NCOR2: variants seen among roughly 807,000 people sequenced by gnomAD.
NCOR2 encodes the protein nuclear receptor corepressor 2, also known as CTG repeat protein 26.
NCOR2 carries 81 observed loss-of-function variants against 262.9 expected under a neutral mutation model. That is an observed-to-expected ratio of 0.31 (90% confidence interval 0.26 to 0.37). The LOEUF (loss-of-function observed/expected upper bound fraction) is 0.37. Among genes scored for constraint, NCOR2 ranks in the 10% least tolerant of loss-of-function variants. The probability of loss-of-function intolerance (pLI) is 1.00; values close to 1 mark genes in which losing one functional copy is unlikely to be tolerated. For synonymous variants in NCOR2, 1,659 were observed against 1,559.3 expected (o/e 1.06, Z -1.51); for missense variants, 3,385 against 3,621.4 (o/e 0.93, Z 1.68).
chr12:124,474,743 C>T (rs1010342969), intron 3 of NCOR2, among the ~76,000 whole-genome samples: 9 of 152,128 alleles, frequency 5.9e-5, no homozygotes, highest in South Asian at 2.1e-4. Context: ...CCTGGCATAC[C>T]GTAAGCCTCA....
rs746955028 is a variant in NCOR2, at chr12:124,371,720, G to A, written c.2807+302C>T. On this transcript the variant is annotated intron_variant, in intron 20 of 46. Transcript: ENST00000405201. ...CTGGCTCGAACTACCTTGTGAGGGC[G>A]GCCCTAGGAAGCGAGCAGGCTGCCT... Among the ~76,000 whole-genome samples, 3 of 152,290 alleles carry A rather than the reference G, an allele frequency of 2.0e-5. No homozygotes were observed. In the South Asian group the frequency reaches 6.2e-4, roughly 32 times the overall value.
chr12:124,407,427 G>T (rs1433741406), intron 13 of NCOR2, among the ~76,000 whole-genome samples: 2 of 152,236 alleles, frequency 1.3e-5, no homozygotes, highest in Admixed American at 6.5e-5. Flanking sequence ...TGGCACTTTG[G>T]GGCATGGCTG....
rs756284508 is a variant in NCOR2 at position 124,486,534 on chromosome 12, C to T, written c.140G>A (p.Arg47His). The T allele has an allele frequency of 8.2e-6, 13 of 1,594,910 alleles. No homozygotes were observed. The Admixed American group carries it at 8.7e-5, about 11-fold the overall frequency. ...GGGCGACAGGTGGGAGGCATAGTCG[C>T]GGGAGTGGTGCTGGTACTCCAGGAG... Residue 47 changes from arginine (R) to histidine (H), a missense_variant, in exon 2 of 47, where the codon CGC becomes CAC. By Grantham distance (29) the Arg-to-His change is conservative. Transcript: ENST00000405201.
intron 44 of NCOR2, among the ~76,000 whole-genome samples, chr12:124,327,902 G>A (rs958667458): frequency 1.3e-5 from 2 of 152,106 alleles, no homozygotes; most frequent in African/African-American, 4.8e-5. Context: ...CTGCCAGGGA[G>A]GTGGGGTAGG....
chr12:124,475,999 C>T (rs1294207299), intron 3 of NCOR2, among the ~76,000 whole-genome samples: 5 of 152,132 alleles, frequency 3.3e-5, no homozygotes, highest in African/African-American at 9.7e-5. Context: ...AAACTCAAGG[C>T]AAAAGTGTGT....
At chr12:124,405,891 C>G (rs1336351934) in intron 13 of NCOR2, among the ~76,000 whole-genome samples, 1 of 152,174 alleles carries the variant, frequency 6.6e-6, no homozygotes, top group African/African-American at 2.4e-5. Context: ...ACCTGCTGGG[C>G]TTCCCGGGCC....
chr12:124,552,497 G>A (rs944002063), intron 1 of NCOR2, among the ~76,000 whole-genome samples: 1 of 152,092 alleles, frequency 6.6e-6, no homozygotes, highest in Non-Finnish European at 1.5e-5. Context: ...GAAACTGAGG[G>A]GTCACTTAAT....
At chr12:124,355,162 C>T in intron 24 of NCOR2, 1 of 613,284 alleles carries the variant, frequency 1.6e-6, no homozygotes, top group Non-Finnish European at 2.8e-6. Context: ...TTCCATTTCG[C>T]AGTGGGGGAA....
chr12:124,347,447 C>G (rs2037029739), intron 30 of NCOR2: 1 of 231,276 alleles, frequency 4.3e-6, no homozygotes, highest in African/African-American at 2.3e-5. Context: ...GCTGGCTGTG[C>G]CATGGACCAG....
chr12:124,422,463 G>T, intron 12 of NCOR2, 38 bp downstream of exon 14: 1 of 1,613,072 alleles, frequency 6.2e-7, no homozygotes, highest in Non-Finnish European at 8.5e-7. Context: ...GCCCACGGAG[G>T]TGGAGACCGA....
chr12:124,488,877 G>C (rs752678935), intron 1 of NCOR2, among the ~76,000 whole-genome samples: 10 of 152,126 alleles, frequency 6.6e-5, no homozygotes, highest in Non-Finnish European at 1.0e-4. Context: ...GGCCCGAAGT[G>C]GGGGCTGGGG....
chr12:124,500,653 G>A (rs543703813), intron 1 of NCOR2, among the ~76,000 whole-genome samples: 49 of 152,282 alleles, frequency 3.2e-4, no homozygotes, highest in South Asian at 1.9e-3. Context: ...CCACCTGGCC[G>A]GGCAGAGGCG....
intron 13 of NCOR2, among the ~76,000 whole-genome samples, chr12:124,411,397 G>T (rs903319794): frequency 5.9e-5 from 9 of 152,218 alleles, no homozygotes; most frequent in Non-Finnish European, 1.3e-4. Flanking sequence ...GCAGTCGGGG[G>T]CGGAGCCTCG....
In NCOR2 at chr12:124,372,159, C is replaced by A. The variant is rs780909563; in HGVS notation, c.2670G>T (p.Ala890=). Residue 890 remains alanine, a synonymous_variant, in exon 20 of 47, where the codon GCG becomes GCT. Transcript: ENST00000405201. ...CGCCCTCCTTCTTCTCTGCCTTGAG[C>A]GCCCCCTCGGCCGTGGCCTCAGCGG... The A allele has an allele frequency of 2.5e-6, 4 of 1,601,178 alleles. No homozygotes were observed. In the South Asian group the frequency reaches 4.4e-5, roughly 18 times the overall value.
chr12:124,388,392 GCCAGAC>G (rs1395195430), intron 16 of NCOR2, among the ~76,000 whole-genome samples: 1 of 152,106 alleles, frequency 6.6e-6, no homozygotes, highest in Non-Finnish European at 1.5e-5. Flanking sequence ...AGACCACCCC[GCCAGAC>G]CCAGCTTGAA....
In NCOR2 at chr12:124,531,329, G is replaced by A. The variant is rs2050758534; in HGVS notation, c.-118+4236C>T. Among the ~76,000 whole-genome samples, 2 of 152,208 alleles carry A rather than the reference G, an allele frequency of 1.3e-5. No individual in the cohort carries two copies. The highest frequency in any genetic ancestry group is 4.8e-5 in the African/African-American group (2 of 41,454). On this transcript the variant is annotated intron_variant, in intron 1 of 46. Transcript: ENST00000404621. This position sits in a 1 kb window ranked among gnomAD's most constrained non-coding sequence, Gnocchi z 4.5. The stretch of plus-strand genomic sequence containing the variant: ...GGGCTCCTGCTCCCCTCTGAGTGAT[G>A]GCAGGGCAGGCGCCTGGAGCCAACG...
intron 6 of NCOR2, among the ~76,000 whole-genome samples, chr12:124,455,862 G>A (rs913541499): frequency 7.9e-5 from 12 of 152,192 alleles, no homozygotes; most frequent in African/African-American, 2.9e-4. Context: ...TTGAGGCTCT[G>A]AAGGTGTCAG....
Position 124,333,439 on chromosome 12 carries a change from C to T in NCOR2, c.6606-160G>A, listed in dbSNP as rs949475352. Among the ~76,000 whole-genome samples, 4 of 152,202 alleles carry T rather than the reference C, an allele frequency of 2.6e-5. No individual in the cohort carries two copies. The East Asian group carries it at 5.8e-4, about 22-fold the overall frequency. On this transcript the variant is annotated intron_variant, in intron 41 of 46. Coordinates refer to ENST00000405201, the Ensembl canonical transcript of NCOR2. ...ACCACAAGTAATCTCTGGCATGTATCGTTATCATTTTTATTTTTTTTTTAA... is the reference window on the plus strand; with the variant it reads ...ACCACAAGTAATCTCTGGCATGTATTGTTATCATTTTTATTTTTTTTTTAA...
rs570910934 is a variant in NCOR2, at chr12:124,500,869, G to A, written c.-117-5501C>T. Among the ~76,000 whole-genome samples the A allele has an allele frequency of 7.2e-5, 11 of 152,270 alleles. No individual in the cohort carries two copies. The South Asian group carries it at 2.3e-3, about 32-fold the overall frequency. On this transcript the variant is annotated intron_variant, in intron 1 of 46. Transcript: ENST00000404621. ...TGGAGGTGTGGGAGCTACAGGATGT[G>A]CCCGGAGCGCTCAGCCGCGGGCTGT...
Sources: gnomAD v4.1 joint callset for allele counts (sites outside exome capture counted in the v4.1 genomes callset) on GRCh38, gnomAD v4.1.1 for gene constraint, Gnocchi (gnomAD v3.1) non-coding constraint, MANE v1.5 for transcripts, NCBI Gene and HGNC (gene_info 2026-07-23, HGNC 2026-07-21) for gene names.